Variants in TMEM192 observed in about 807,000 individuals in gnomAD.
TMEM192 encodes transmembrane protein 192.
A neutral mutation model predicts 26.7 loss-of-function variants in TMEM192; 20 were observed. The ratio of observed to expected loss-of-function variants is 0.75; its 90% CI spans 0.53 to 1.09. The LOEUF is 1.09. Ranked by LOEUF, TMEM192 falls within the 50% of genes least tolerant of loss-of-function variation. TMEM192 has a pLI of 0.00. For missense variants in TMEM192, 304 were observed against 322.6 expected (o/e 0.94, Z 0.44); for synonymous variants, 124 against 121.0 (o/e 1.02, Z -0.16).
At chr4:165,102,453 G>T (rs559386267) in intron 2 of TMEM192, among the ~76,000 whole-genome samples, 2 of 152,002 alleles carry the variant, frequency 1.3e-5, no homozygotes, top group East Asian at 3.9e-4. Flanking sequence ...AGGAAAACAG[G>T]TCCACAACAG....
chr4:165,088,392 A>G (rs1403798512), intron 4 of TMEM192, 76 bp downstream of exon 4: 1 of 1,453,202 alleles, frequency 6.9e-7, no homozygotes. Context: ...CTTGTCGCTA[A>G]TGGGCTATAC....
chr4:165,098,841 G>A (rs1734974526), intron 3 of TMEM192, among the ~76,000 whole-genome samples: 1 of 151,574 alleles, frequency 6.6e-6, no homozygotes, highest in Admixed American at 6.6e-5. Context: ...GGGACTACAG[G>A]CGCGTGCCAC....
Position 165,100,631 on chromosome 4 carries a change from A to G in TMEM192, c.436T>C (p.Ser146Pro), listed in dbSNP as rs1304608331. 11 of 1,613,800 alleles carry G rather than the reference A, an allele frequency of 6.8e-6. No individual in the cohort carries two copies. Among genetic ancestry groups the G allele is most frequent in the Non-Finnish European group, 9.3e-6 (11 of 1,179,938 alleles). Residue 146 changes from serine (S) to proline (P), a missense_variant, in exon 3 of 6, where the codon TCT becomes CCT. By Grantham distance (74) the Ser-to-Pro change is moderately conservative (BLOSUM62 -1). Coordinates refer to ENST00000306480, the MANE Select transcript of TMEM192 (RefSeq NM_001100389.2). ...GCTGAGAGAAAATTGGACATACCAG[A>G]GGACTGTATCATCAACGCAAGTCTC... ...LKRLALMIQS[S>P]GNTVLLLILC...
chr4:165,085,501 C>T (rs1734590551), intron 5 of TMEM192, 85 bp downstream of exon 5: 1 of 868,526 alleles, frequency 1.2e-6, no homozygotes, highest in African/African-American at 1.7e-5. Flanking sequence ...AGTACAAATA[C>T]ACAATCATAA....
intron 2 of TMEM192, among the ~76,000 whole-genome samples, 194 bp from the exon 3 acceptor site, chr4:165,101,086 C>T (rs1230722580): frequency 1.3e-5 from 2 of 150,210 alleles, no homozygotes; most frequent in Non-Finnish European, 3.0e-5. Context: ...ACGCCATTCT[C>T]CTGCCTCAGC....
intron 5 of TMEM192, among the ~76,000 whole-genome samples, chr4:165,081,530 C>T (rs757947028): frequency 0.029 from 397 of 13,588 alleles, 2 homozygotes; most frequent in South Asian, 0.064. Flanking sequence ...ACTATAAGCG[C>T]CCATCATCAC....
chr4:165,112,139 C>A (rs1735306632), intron 1 of TMEM192, among the ~76,000 whole-genome samples: 1 of 152,102 alleles, frequency 6.6e-6, no homozygotes, highest in South Asian at 2.1e-4. Flanking sequence ...GATTTAAAAA[C>A]CTTTGTATTC....
chr4:165,112,079 GT>G (rs1406244433), intron 1 of TMEM192, among the ~76,000 whole-genome samples: 2 of 152,062 alleles, frequency 1.3e-5, no homozygotes, highest in African/African-American at 4.8e-5. Context: ...CTGGTTTTTT[GT>G]TTTTTTGTTT....
chr4:165,103,376 G>C (rs1472972634), intron 1 of TMEM192, among the ~76,000 whole-genome samples: 1 of 151,742 alleles, frequency 6.6e-6, no homozygotes, highest in African/African-American at 2.4e-5. Context: ...AGACAGTCTC[G>C]CTCTGTTGCC....
chr4:165,075,104 G>A lies in TMEM192; in HGVS notation c.*4554C>T, dbSNP rs938374009. On this transcript the variant is annotated 3_prime_UTR_variant, in exon 6 of 6. Transcript: ENST00000306480. ...CTATTGGTAAGGGTATGGAGACCAG[G>A]TGAGCTGGCTCATGCCTATAATCCC... 2.0e-5 allele frequency: 3 copies of A among 152,200 alleles called. No homozygotes were observed. The highest frequency in any genetic ancestry group is 2.0e-4 in the Admixed American group (3 of 15,266). The allele number at this position is 152,200 out of a possible 1,614,324, so 9.4% of individuals were successfully genotyped here.
Position 165,070,766 on chromosome 4 carries a change from A to C in TMEM192, c.*8892T>G, listed in dbSNP as rs1387269593. ...CAGGTTACAGCTGGATTACAGGAAC[A>C]GGCTTTGAGCATGTGTGAGCATAGT... is the stretch of plus-strand genomic sequence containing the variant. On this transcript the variant is annotated 3_prime_UTR_variant, in exon 6 of 6. Coordinates refer to ENST00000306480, the MANE Select transcript of TMEM192 (RefSeq NM_001100389.2). 1 of 152,222 alleles carries C rather than the reference A, an allele frequency of 6.6e-6. No individual in the cohort carries two copies. The highest frequency in any genetic ancestry group is 1.5e-5 in the Non-Finnish European group (1 of 68,040). The allele number at this position is 152,222 out of a possible 1,614,324, so 9.4% of individuals were successfully genotyped here. A position where few individuals can be genotyped will look rare whatever the true frequency, so the allele number is the denominator to read the frequency against.
At chr4:165,106,993 C>T (rs928402846) in intron 1 of TMEM192, among the ~76,000 whole-genome samples, 11 of 151,962 alleles carry the variant, frequency 7.2e-5, no homozygotes, top group African/African-American at 2.2e-4. Flanking sequence ...ACAATCTGTC[C>T]CCAAGTAACT....
chr4:165,100,753 A>T lies in TMEM192; in HGVS notation c.314T>A (p.Ile105Asn), dbSNP rs1735020988. 1 of 1,613,924 alleles carries T rather than the reference A, an allele frequency of 6.2e-7. No homozygotes were observed. Among genetic ancestry groups the T allele is most frequent in the Admixed American group, 1.7e-5 (1 of 59,956 alleles). ...VIILGKVILWILHLLLECYIQ... is the reference protein window; with the variant it reads ...VIILGKVILWNLHLLLECYIQ... ...GTAGCATTCAAGGAGTAAATGGAGA[A>T]TCCACAAAATAACTTTCCCAAGGAT... The change falls in exon 3 of 6, where the codon ATT becomes AAT. Residue 105 changes from isoleucine (I) to asparagine (N), a missense_variant. By Grantham distance (149) the Ile-to-Asn change is moderately radical. Coordinates refer to ENST00000306480, the MANE Select transcript of TMEM192 (RefSeq NM_001100389.2).
At chr4:165,103,760 G>T (rs1034989978) in intron 1 of TMEM192, among the ~76,000 whole-genome samples, 1 of 152,136 alleles carries the variant, frequency 6.6e-6, no homozygotes, top group Admixed American at 6.6e-5. Context: ...GACCTCAGGT[G>T]ATCCGCCTGC....
intron 3 of TMEM192, among the ~76,000 whole-genome samples, chr4:165,096,366 C>T (rs1390557041): frequency 6.6e-6 from 1 of 151,704 alleles, no homozygotes; most frequent in African/African-American, 2.4e-5. Flanking sequence ...GTTCATACCA[C>T]TGCACTCCAG....
intron 3 of TMEM192, among the ~76,000 whole-genome samples, chr4:165,098,727 C>T (rs1336668882): frequency 6.6e-6 from 1 of 151,568 alleles, no homozygotes; most frequent in Admixed American, 6.6e-5. Context: ...GGCAGTGTTC[C>T]GCTCTTGTTG....
chr4:165,101,326 A>G (rs1236905916), intron 2 of TMEM192, among the ~76,000 whole-genome samples: 1 of 151,956 alleles, frequency 6.6e-6, no homozygotes, highest in African/African-American at 2.4e-5. Flanking sequence ...ATTTTTATAA[A>G]TGAGTTTTTA....
At chr4:165,112,618 G>A in intron 1 of TMEM192, 129 bp downstream of exon 1, 2 of 1,379,842 alleles carry the variant, frequency 1.4e-6, no homozygotes, top group Admixed American at 2.0e-5. Context: ...CCGGGCACAG[G>A]CGGCGCCCCC....
chr4:165,080,993 G>A (rs1337471256), intron 5 of TMEM192, among the ~76,000 whole-genome samples: 1 of 152,136 alleles, frequency 6.6e-6, no homozygotes, highest in Non-Finnish European at 1.5e-5. Flanking sequence ...GGGATTACAG[G>A]TGTGAGCCAC....
Sources: gnomAD v4.1 joint callset for allele counts (sites outside exome capture counted in the v4.1 genomes callset) on GRCh38, gnomAD v4.1.1 for gene constraint, MANE v1.5 for transcripts, NCBI Gene and HGNC (gene_info 2026-07-23, HGNC 2026-07-21) for gene names.